The following SWAP70 variants were observed in gnomAD, a reference collection of about 807,000 sequenced individuals.
SWAP70 encodes the protein switch-associated protein 70.
Under a neutral mutation model 80.2 loss-of-function variants are expected in SWAP70, and 34 were observed. The ratio of observed to expected loss-of-function variants is 0.42; its 90% CI spans 0.32 to 0.56. The LOEUF (loss-of-function observed/expected upper bound fraction) is 0.56, where lower values mean the gene tolerates loss of function less well. Among genes scored for constraint, SWAP70 ranks in the 20% least tolerant of loss-of-function variants. SWAP70 has a pLI of 0.09. For synonymous variants in SWAP70, 239 were observed against 238.5 expected, an observed-to-expected ratio of 1.00 and a Z score of -0.02; for missense variants, 578 against 690.7, an observed-to-expected ratio of 0.84 and a Z score of 1.83.
At chr11:9,692,810 C>G (rs905037424) in intron 1 of SWAP70, among the ~76,000 whole-genome samples, 2 of 152,146 alleles carry the variant, frequency 1.3e-5, no homozygotes, top group African/African-American at 4.8e-5. Context: ...CCACCGTACT[C>G]TTTTCATGTG....
intron 3 of SWAP70, among the ~76,000 whole-genome samples, chr11:9,722,894 G>A (rs909220558): frequency 5.3e-5 from 8 of 152,200 alleles, no homozygotes; most frequent in African/African-American, 9.6e-5. Context: ...AAGAACACAT[G>A]ATAGGGAGGC....
intron 1 of SWAP70, among the ~76,000 whole-genome samples, chr11:9,672,195 C>CTATATATATA (rs57590750): frequency 0.089 from 6,925 of 78,178 alleles, 657 homozygotes; most frequent in South Asian, 0.11. Flanking sequence ...ATGTGTGTGT[C>CTATATATATA]TATATATATA....
At chr11:9,737,425 C>T (rs1467911215) in intron 7 of SWAP70, among the ~76,000 whole-genome samples, 1 of 152,106 alleles carries the variant, frequency 6.6e-6, no homozygotes, top group Non-Finnish European at 1.5e-5. Flanking sequence ...TTTCTAGAGA[C>T]TTTTAAAGGT....
intron 1 of SWAP70, among the ~76,000 whole-genome samples, chr11:9,691,261 A>G (rs1329725204): frequency 2.6e-5 from 4 of 152,174 alleles, no homozygotes; most frequent in African/African-American, 9.7e-5. Flanking sequence ...TATAGACCTT[A>G]CTAACAGTGA....
At chr11:9,709,661 G>A (rs1443762442) in intron 2 of SWAP70, among the ~76,000 whole-genome samples, 1 of 151,968 alleles carries the variant, frequency 6.6e-6, no homozygotes, top group African/African-American at 2.4e-5. Context: ...CTAATTTTTA[G>A]TATTTTTGGT....
intron 7 of SWAP70, among the ~76,000 whole-genome samples, chr11:9,736,291 T>C (rs1467939488): frequency 6.6e-6 from 1 of 152,120 alleles, no homozygotes; most frequent in African/African-American, 2.4e-5. Flanking sequence ...CTTTAGTTAT[T>C]TGAGCATAAA....
intron 6 of SWAP70, among the ~76,000 whole-genome samples, 169 bp from the exon 7 acceptor site, chr11:9,732,360 G>A (rs1195518214): frequency 2.6e-5 from 4 of 152,096 alleles, no homozygotes; most frequent in African/African-American, 9.7e-5. Flanking sequence ...AAACCAAGAG[G>A]TTATGTGACT....
intron 2 of SWAP70, among the ~76,000 whole-genome samples, chr11:9,713,250 A>G (rs1157877180): frequency 6.6e-6 from 1 of 152,208 alleles, no homozygotes; most frequent in Non-Finnish European, 1.5e-5. Flanking sequence ...CAAGGGAGTG[A>G]TATGGACAGA....
In SWAP70 at chr11:9,724,675, G is replaced by T. The variant is rs755689754; in HGVS notation, c.432G>T (p.Lys144Asn). The T allele has an allele frequency of 4.3e-6, 7 of 1,612,352 alleles. No individual in the cohort carries two copies. In the African/African-American group the frequency reaches 9.4e-5, roughly 22 times the overall value. ...IVSEEIEYLL[K>N]KLTEAMGGGW... ...TTATGTAGATTGAATACCTGCTTAA[G>T]AAGCTTACAGAAGCTATGGGAGGAG... Residue 144 changes from lysine to asparagine, a missense_variant, in exon 4 of 12, where the codon AAG becomes AAT. Physicochemically the swap from Lys to Asn is moderately conservative, Grantham distance 94. Transcript: ENST00000318950.
chr11:9,713,686 A>G (rs749191608), intron 3 of SWAP70, 47 bp downstream of exon 3: 1 of 1,570,082 alleles, frequency 6.4e-7, no homozygotes, highest in Non-Finnish European at 8.6e-7. Flanking sequence ...TTAGCATTTA[A>G]TAGACCTGGC....
chr11:9,721,138 A>G (rs550258811), intron 3 of SWAP70, among the ~76,000 whole-genome samples: 2 of 152,056 alleles, frequency 1.3e-5, no homozygotes, highest in South Asian at 2.1e-4. Flanking sequence ...ATCTTTTTAT[A>G]TCTTTCTCTT....
At chr11:9,668,691 T>C (rs1850338062) in intron 1 of SWAP70, among the ~76,000 whole-genome samples, 1 of 152,206 alleles carries the variant, frequency 6.6e-6, no homozygotes, top group South Asian at 2.1e-4. Context: ...GGAGGAAATG[T>C]CAAATAATTG....
chr11:9,727,941 A>G (rs1343468319), intron 4 of SWAP70, 112 bp from the exon 5 acceptor site: 4 of 1,065,824 alleles, frequency 3.8e-6, no homozygotes, highest in Middle Eastern at 3.1e-4. Context: ...ATTGGTGTTC[A>G]TGTTTTCAGG....
chr11:9,703,342 C>T, intron 2 of SWAP70: 1 of 456,188 alleles, frequency 2.2e-6, no homozygotes, highest in Non-Finnish European at 4.4e-6. Context: ...AGTTGTTGGA[C>T]ATGTGGGTTG....
chr11:9,708,311 T>G (rs923740063), intron 2 of SWAP70, among the ~76,000 whole-genome samples: 1 of 152,186 alleles, frequency 6.6e-6, no homozygotes, highest in Admixed American at 6.5e-5. Context: ...CACTTGTTAT[T>G]TTCTGGTTTT....
chr11:9,722,389 A>G (rs1039607352), intron 3 of SWAP70, among the ~76,000 whole-genome samples: 1 of 152,276 alleles, frequency 6.6e-6, no homozygotes, highest in East Asian at 1.9e-4. Flanking sequence ...CGTTAAGTGC[A>G]GTGACCTAGA....
chr11:9,744,519 G>C (rs966240057), intron 9 of SWAP70, among the ~76,000 whole-genome samples: 1 of 152,164 alleles, frequency 6.6e-6, no homozygotes, highest in Non-Finnish European at 1.5e-5. Context: ...CACCCTTTCT[G>C]CTATGAAGTT....
chr11:9,707,650 G>A (rs1333719356), intron 2 of SWAP70, among the ~76,000 whole-genome samples: 1 of 149,992 alleles, frequency 6.7e-6, no homozygotes, highest in Non-Finnish European at 1.5e-5. Context: ...CCACCTCTGG[G>A]GTTCAAGTGA....
chr11:9,748,888 A>C (rs1279086343), intron 10 of SWAP70, among the ~76,000 whole-genome samples, 199 bp from the exon 11 acceptor site: 2 of 151,504 alleles, frequency 1.3e-5, no homozygotes, highest in Admixed American at 1.3e-4. Context: ...CTGCTGTGTG[A>C]CTCTCGGCAG....
Sources: gnomAD v4.1 joint callset for allele counts (sites outside exome capture counted in the v4.1 genomes callset) on GRCh38, gnomAD v4.1.1 for gene constraint, MANE v1.5 for transcripts, NCBI Gene and HGNC (gene_info 2026-07-23, HGNC 2026-07-21) for gene names.